ACOXL: variants seen among roughly 807,000 people sequenced by gnomAD.
ACOXL encodes acyl-CoA oxidase like, also known as acyl-coenzyme A oxidase-like protein.
Under a neutral mutation model 71.9 loss-of-function variants are expected in ACOXL, and 70 were observed. That is an observed-to-expected ratio of 0.97 (90% CI 0.80 to 1.19). The LOEUF (loss-of-function observed/expected upper bound fraction) is 1.19, where lower values mean the gene tolerates loss of function less well. ACOXL is among the 50% of genes most tolerant of loss of function. The pLI is 0.00. For missense variants in ACOXL, 703 were observed against 736.3 expected (o/e 0.95, Z 0.52); for synonymous variants, 253 against 281.6 (o/e 0.90, Z 1.02).
chr2:110,753,807 G>T (rs1049095155), intron 1 of ACOXL, among the ~76,000 whole-genome samples: 1 of 152,174 alleles, frequency 6.6e-6, no homozygotes, highest in Non-Finnish European at 1.5e-5. Context: ...TTTTTCCAAA[G>T]TGGTTGTACC....
intron 12 of ACOXL, among the ~76,000 whole-genome samples, chr2:110,966,937 G>A (rs959064754): frequency 1.3e-5 from 2 of 152,174 alleles, no homozygotes; most frequent in African/African-American, 2.4e-5. Context: ...AGGACCTTTT[G>A]CTACCCTTCA....
intron 17 of ACOXL, among the ~76,000 whole-genome samples, chr2:111,103,311 T>A (rs2069304100): frequency 6.6e-6 from 1 of 151,558 alleles, no homozygotes; most frequent in African/African-American, 2.4e-5. Flanking sequence ...AATTAAAAAA[T>A]AAATAAATAA....
chr2:111,048,694 C>T (rs1478809680), intron 15 of ACOXL, among the ~76,000 whole-genome samples: 1 of 151,766 alleles, frequency 6.6e-6, no homozygotes, highest in Non-Finnish European at 1.5e-5. Flanking sequence ...TTTCTCTTCC[C>T]TATTCTCCTT....
intron 16 of ACOXL, among the ~76,000 whole-genome samples, chr2:111,092,414 C>A (rs1015060961): frequency 2.0e-5 from 3 of 152,082 alleles, no homozygotes; most frequent in African/African-American, 7.2e-5. Flanking sequence ...ATGAGGAATG[C>A]TATTTTTTGT....
At chr2:110,915,425 TATA>T (rs543190668) in intron 11 of ACOXL, among the ~76,000 whole-genome samples, 3,089 of 108,484 alleles carry the variant, frequency 0.028, 115 homozygotes, top group South Asian at 0.062. Flanking sequence ...TATATATATA[TATA>T]TTTTTTTTTT....
intron 10 of ACOXL, among the ~76,000 whole-genome samples, chr2:110,898,619 G>A (rs1045373138): frequency 1.3e-5 from 2 of 152,170 alleles, no homozygotes; most frequent in African/African-American, 4.8e-5. Context: ...TACGAAAATT[G>A]TACAGCCAAC....
chr2:111,063,933 G>A (rs1018237606), intron 16 of ACOXL, among the ~76,000 whole-genome samples: 4 of 152,122 alleles, frequency 2.6e-5, no homozygotes, highest in Admixed American at 6.5e-5. Context: ...AGAAATGAAC[G>A]AAAGAGAGAG....
At chr2:110,738,641 A>G (rs1269635351) in intron 1 of ACOXL, among the ~76,000 whole-genome samples, 2 of 152,078 alleles carry the variant, frequency 1.3e-5, no homozygotes, top group East Asian at 1.9e-4. Flanking sequence ...TCTTTTTGGC[A>G]TTGTTGTATT....
intron 12 of ACOXL, among the ~76,000 whole-genome samples, chr2:110,969,797 T>A (rs1235886637): frequency 6.9e-6 from 1 of 145,098 alleles, no homozygotes; most frequent in Non-Finnish European, 1.5e-5. Context: ...GGCGACAGAG[T>A]GAGACTTTGT....
At chr2:110,965,500 T>G (rs2061885463) in intron 12 of ACOXL, among the ~76,000 whole-genome samples, 1 of 152,212 alleles carries the variant, frequency 6.6e-6, no homozygotes, top group Non-Finnish European at 1.5e-5. Context: ...TTTAAGTATT[T>G]GCATATGGAA....
At chr2:110,947,639 C>T (rs2061158280) in intron 12 of ACOXL, among the ~76,000 whole-genome samples, 1 of 152,206 alleles carries the variant, frequency 6.6e-6, no homozygotes, top group African/African-American at 2.4e-5. Flanking sequence ...CTCCAGGACC[C>T]ATTAGACATG....
At chr2:110,921,334 T>A (rs2060059546) in intron 11 of ACOXL, among the ~76,000 whole-genome samples, 1 of 151,558 alleles carries the variant, frequency 6.6e-6, no homozygotes, top group Non-Finnish European at 1.5e-5. Flanking sequence ...TCCTTTTGCT[T>A]GCTTTAAGTT....
chr2:111,010,891 T>C (rs1040551921), intron 14 of ACOXL, among the ~76,000 whole-genome samples: 2 of 152,172 alleles, frequency 1.3e-5, no homozygotes, highest in African/African-American at 4.8e-5. Flanking sequence ...GCATTTTCAG[T>C]AATAGAATTT....
At chr2:110,965,386 CTGTT>C (rs564473590) in intron 12 of ACOXL, among the ~76,000 whole-genome samples, 9 of 152,156 alleles carry the variant, frequency 5.9e-5, no homozygotes, top group African/African-American at 1.2e-4. Flanking sequence ...TTTTTAGTTT[CTGTT>C]TGTTTGTTTG....
intron 16 of ACOXL, among the ~76,000 whole-genome samples, chr2:111,053,851 C>T (rs572989540): frequency 1.7e-4 from 26 of 152,294 alleles, no homozygotes; most frequent in African/African-American, 6.3e-4. Context: ...CTGCCTCCCT[C>T]GGATAAGCTG....
chr2:111,109,670 T>TG (rs1380945800), intron 17 of ACOXL, among the ~76,000 whole-genome samples: 3 of 111,754 alleles, frequency 2.7e-5, no homozygotes, highest in African/African-American at 1.1e-4. Context: ...TTTCTCCTTC[T>TG]ATTTTTTTTT....
intron 10 of ACOXL, among the ~76,000 whole-genome samples, chr2:110,874,671 C>A (rs1695676394): frequency 6.6e-6 from 1 of 152,148 alleles, no homozygotes; most frequent in African/African-American, 2.4e-5. Context: ...TGACAGTGCC[C>A]ACCTCCTCTG....
intron 16 of ACOXL, among the ~76,000 whole-genome samples, chr2:111,073,713 T>A (rs999834518): frequency 6.6e-6 from 1 of 152,202 alleles, no homozygotes; most frequent in African/African-American, 2.4e-5. Context: ...ACTTTATTCA[T>A]CTTTGGCAAA....
chr2:110,761,573 C>T (rs1482571444), intron 1 of ACOXL, among the ~76,000 whole-genome samples: 2 of 152,170 alleles, frequency 1.3e-5, no homozygotes, highest in African/African-American at 4.8e-5. Context: ...GAGCTTACAT[C>T]GTTGCAAGCT....
Sources: gnomAD v4.1 joint callset for allele counts (sites outside exome capture counted in the v4.1 genomes callset) on GRCh38, gnomAD v4.1.1 for gene constraint, MANE v1.5 for transcripts, NCBI Gene and HGNC (gene_info 2026-07-23, HGNC 2026-07-21) for gene names.